Variants in TYW1B observed in about 807,000 individuals in gnomAD.
The protein encoded by TYW1B is S-adenosyl-L-methionine-dependent tRNA 4-demethylwyosine synthase TYW1B.
A neutral mutation model predicts 86.9 loss-of-function variants in TYW1B; 73 were observed. The observed-to-expected ratio is 0.84, with a 90% CI of 0.70 to 1.02. TYW1B has a LOEUF of 1.02. Among genes scored for constraint, TYW1B ranks in the 50% least tolerant of loss-of-function variants. The pLI is 0.00. For missense variants in TYW1B, 637 were observed against 827.4 expected (o/e 0.77, Z 2.82); for synonymous variants, 248 against 292.8 (o/e 0.85, Z 1.56).
chr7:72,632,451 ATAT>A lies in TYW1B; in HGVS notation c.1507-3457_1507-3455del, dbSNP rs1460124570. ...ATATATATATACGTATATATATAAA[ATAT>A]ATATATACATATATATATAAAATAT... On this transcript the variant is annotated intron_variant, in intron 11 of 13. Transcript: ENST00000620995. 5.2e-5 allele frequency among the ~76,000 whole-genome samples: 5 copies of A among 97,032 alleles called. 1 individual carries two copies. Among genetic ancestry groups the A allele is most frequent in the African/African-American group, 2.1e-4 (4 of 18,686 alleles). The allele number at this position is 97,032 out of a possible 152,430, so 63.7% of individuals were successfully genotyped here. A position where few individuals can be genotyped will look rare whatever the true frequency, so the allele number is the denominator to read the frequency against.
At chr7:72,653,476 G>A (rs1432224558) in intron 11 of TYW1B, among the ~76,000 whole-genome samples, 31 of 151,352 alleles carry the variant, frequency 2.0e-4, no homozygotes, top group Admixed American at 1.9e-3. Context: ...GCGTGGTGGC[G>A]AGCACCTGTA....
intron 9 of TYW1B, among the ~76,000 whole-genome samples, chr7:72,724,565 C>T (rs1465617652): frequency 2.0e-5 from 3 of 152,194 alleles, no homozygotes; most frequent in Non-Finnish European, 4.4e-5. Context: ...TCCACACCTT[C>T]AAACATGCAC....
intron 13 of TYW1B, among the ~76,000 whole-genome samples, chr7:72,608,893 T>C (rs1209381428): frequency 3.3e-5 from 5 of 152,180 alleles, no homozygotes; most frequent in South Asian, 4.1e-4. Context: ...TAGAACAGTT[T>C]TCTATCTGGG....
chr7:72,802,116 T>A (rs1788412267), intron 6 of TYW1B, among the ~76,000 whole-genome samples: 1 of 152,022 alleles, frequency 6.6e-6, no homozygotes, highest in African/African-American at 2.4e-5. Flanking sequence ...TCTACCAATG[T>A]GGCCCACGAA....
At chr7:72,678,891 G>A (rs1177835687) in intron 11 of TYW1B, among the ~76,000 whole-genome samples, 1 of 151,752 alleles carries the variant, frequency 6.6e-6, no homozygotes, top group Non-Finnish European at 1.5e-5. Flanking sequence ...GAGGCCAGGA[G>A]TTTAAGACAA....
chr7:72,632,285 G>GTATATATATATATTATATAT (rs1812512841), intron 11 of TYW1B, among the ~76,000 whole-genome samples: 1 of 83,568 alleles, frequency 1.2e-5, no homozygotes, highest in Non-Finnish European at 2.1e-5. Context: ...ATATATACGT[G>GTATATATATATATTATATAT]TATATATATA....
chr7:72,598,808 T>C (rs1458127467), intron 13 of TYW1B, among the ~76,000 whole-genome samples: 2 of 151,998 alleles, frequency 1.3e-5, no homozygotes, highest in African/African-American at 4.8e-5. Flanking sequence ...GCAGGTGATT[T>C]GAAAAATTAA....
chr7:72,596,276 T>C (rs1203162337), intron 13 of TYW1B, among the ~76,000 whole-genome samples: 1 of 151,724 alleles, frequency 6.6e-6, no homozygotes, highest in Non-Finnish European at 1.5e-5. Context: ...ACATTTTTTG[T>C]AGAAATAGAA....
chr7:72,642,938 G>A (rs1156275437), intron 11 of TYW1B, among the ~76,000 whole-genome samples: 2 of 152,068 alleles, frequency 1.3e-5, no homozygotes, highest in African/African-American at 2.4e-5. Context: ...GCTATAACAC[G>A]CGCTAACTTG....
chr7:72,655,838 A>G (rs1362954175), intron 11 of TYW1B, among the ~76,000 whole-genome samples: 3 of 152,026 alleles, frequency 2.0e-5, no homozygotes, highest in Non-Finnish European at 2.9e-5. Flanking sequence ...CTGGGGATCA[A>G]CCCACTCCAC....
At chr7:72,641,689 T>C (rs1321862449) in intron 11 of TYW1B, among the ~76,000 whole-genome samples, 3 of 152,148 alleles carry the variant, frequency 2.0e-5, no homozygotes, top group Non-Finnish European at 2.9e-5. Flanking sequence ...GGGTACAGGA[T>C]TTATGTTGGA....
chr7:72,726,052 T>C (rs1554458654), intron 9 of TYW1B, among the ~76,000 whole-genome samples: 3 of 152,118 alleles, frequency 2.0e-5, no homozygotes, highest in African/African-American at 4.8e-5. Context: ...AAACCAACAA[T>C]GAGTCTAGGA....
chr7:72,622,646 G>T (rs3015875), intron 12 of TYW1B, among the ~76,000 whole-genome samples: 25,155 of 151,526 alleles, frequency 0.17, 2,643 homozygotes, highest in East Asian at 0.55. Flanking sequence ...CACACATACA[G>T]ACACATACCA....
intron 11 of TYW1B, among the ~76,000 whole-genome samples, chr7:72,636,849 G>A (rs1331923096): frequency 1.3e-5 from 2 of 152,040 alleles, no homozygotes; most frequent in East Asian, 1.9e-4. Flanking sequence ...AGTAAAAATC[G>A]CTTTTGTCTT....
At chr7:72,740,611 T>C (rs374198046) in intron 8 of TYW1B, among the ~76,000 whole-genome samples, 1 of 151,456 alleles carries the variant, frequency 6.6e-6, no homozygotes. Context: ...TTTACAAGCA[T>C]AGTTTAGAAA....
intron 13 of TYW1B, among the ~76,000 whole-genome samples, chr7:72,593,403 C>T (rs1443404134): frequency 2.0e-5 from 3 of 152,206 alleles, no homozygotes; most frequent in African/African-American, 7.2e-5. Context: ...AATACACATC[C>T]TTCCCAAGTA....
At chr7:72,610,802 C>T (rs1385857817) in intron 13 of TYW1B, among the ~76,000 whole-genome samples, 1 of 152,208 alleles carries the variant, frequency 6.6e-6, no homozygotes, top group Non-Finnish European at 1.5e-5. Flanking sequence ...TAACTGGTTT[C>T]TCTGTCTTGC....
chr7:72,738,126 C>G (rs35059035), intron 8 of TYW1B, among the ~76,000 whole-genome samples: 3 of 122,090 alleles, frequency 2.5e-5, no homozygotes, highest in South Asian at 2.7e-4. Flanking sequence ...AGTCACCCAG[C>G]CTGGAGTGCA....
chr7:72,709,472 T>C (rs375139594), intron 10 of TYW1B, among the ~76,000 whole-genome samples: 3 of 66,076 alleles, frequency 4.5e-5, no homozygotes, highest in Non-Finnish European at 9.5e-5. Flanking sequence ...ATCGAGACCA[T>C]CCTGCTAACA....
Sources: gnomAD v4.1 joint callset for allele counts (sites outside exome capture counted in the v4.1 genomes callset) on GRCh38, gnomAD v4.1.1 for gene constraint, MANE v1.5 for transcripts, NCBI Gene and HGNC (gene_info 2026-07-23, HGNC 2026-07-21) for gene names.